SSC4D: variants seen among roughly 807,000 people sequenced by gnomAD.
SSC4D encodes the protein scavenger receptor cysteine-rich domain-containing group B protein.
SSC4D carries 57 observed loss-of-function variants against 63.4 expected under a neutral mutation model. That is an observed-to-expected ratio of 0.90 (90% CI 0.73 to 1.12). The LOEUF (loss-of-function observed/expected upper bound fraction) is 1.12. Ranked by LOEUF, SSC4D falls within the 50% of genes most tolerant of loss-of-function variation. The pLI, the probability that SSC4D is intolerant of heterozygous loss-of-function variation, is 0.00. For missense variants in SSC4D, 791 were observed against 806.4 expected, an observed-to-expected ratio of 0.98 and a Z score of 0.23; for synonymous variants, 352 against 345.4, an observed-to-expected ratio of 1.02 and a Z score of -0.21.
In SSC4D at chr7:76,395,474, G is replaced by T. The variant is rs531081895; in HGVS notation, c.869-144C>A. 13 of 745,680 alleles carry T rather than the reference G, an allele frequency of 1.7e-5. No individual in the cohort carries two copies. In the African/African-American group the frequency reaches 2.3e-4, roughly 13 times the overall value. 46.2% of individuals were successfully genotyped at this position (745,680 alleles called of 1,614,324 possible). A position where few individuals can be genotyped will look rare whatever the true frequency, so the allele number is the denominator to read the frequency against. On this transcript the variant is annotated intron_variant, in intron 6 of 10. Transcript: ENST00000275560. ...GGGCTGGTGGCCCAGCCGCAGCGGG[G>T]TTCCAAGGAGGCCTGTCCCCACTTT...
intron 9 of SSC4D, among the ~76,000 whole-genome samples, chr7:76,392,700 G>C (rs7809457): frequency 0.031 from 4,650 of 152,114 alleles, 138 homozygotes; most frequent in East Asian, 0.14. Context: ...GTTGAGCGGA[G>C]TAGGATAGCT....
rs773500648 is a variant in SSC4D, at chr7:76,400,564, C to T, written c.197G>A (p.Arg66His). Residue 66 changes from arginine (R) to histidine (H), a missense_variant, in exon 4 of 11, where the codon CGC becomes CAC. Transcript: ENST00000275560. ...CATGACTTCCAGGCGGCCCCGGCAG[C>T]GGCTGGGGCCCCCCACCAGCCTCAG... ...QELRLVGGPS[R>H]CRGRLEVMHG... 4.7e-6 allele frequency: 7 copies of T among 1,489,470 alleles called. No individual in the cohort carries two copies. Among genetic ancestry groups the T allele is most frequent in the East Asian group, 2.5e-5 (1 of 39,622 alleles). 92.3% of individuals were successfully genotyped at this position (1,489,470 alleles called of 1,614,324 possible). A position where few individuals can be genotyped will look rare whatever the true frequency, so the allele number is the denominator to read the frequency against.
chr7:76,390,116 C>A lies in SSC4D; in HGVS notation c.1671G>T (p.Trp557Cys), dbSNP rs755618430. ...CGCTGTGGTCACAGTTGTGGGCATC[C>A]CAGCGGATATGAGAGCAGAGCAGCA... The part of the protein sequence containing the change: ...SALLLCSHIR[W>C]DAHNCDHSED... Residue 557 changes from tryptophan (W) to cysteine (C), a missense_variant, in exon 11 of 11, where the codon TGG becomes TGT. By Grantham distance (215) the Trp-to-Cys change is radical. Transcript: ENST00000275560. 3.1e-6 allele frequency: 5 copies of A among 1,614,180 alleles called. No homozygotes were observed. Among genetic ancestry groups the A allele is most frequent in the Non-Finnish European group, 3.4e-6 (4 of 1,180,034 alleles).
intron 2 of SSC4D, among the ~76,000 whole-genome samples, chr7:76,401,880 G>A (rs760026088): frequency 3.3e-4 from 50 of 152,186 alleles, no homozygotes; most frequent in Non-Finnish European, 6.0e-4. Flanking sequence ...TCTCAACTCT[G>A]TGTCCCCAGA....
At chr7:76,404,269 A>G in intron 2 of SSC4D, 38 bp downstream of exon 2, 1 of 1,509,302 alleles carries the variant, frequency 6.6e-7, no homozygotes, top group Non-Finnish European at 8.8e-7. Context: ...TGAGATTCAG[A>G]AAGAGGAAGT....
chr7:76,401,029 G>T lies in SSC4D; in HGVS notation c.148C>A (p.Pro50Thr), dbSNP rs1450716344. 6.5e-7 allele frequency: 1 copy of T among 1,549,066 alleles called. No individual in the cohort carries two copies. The highest frequency in any genetic ancestry group is 1.4e-5 in the African/African-American group (1 of 72,960). The part of the protein sequence containing the change: ...LLLPLASALQ[P>T]TPLPFQELRL... Reference sequence around the variant, plus strand: ...CTACCTTGAAAGGGCAGTGGAGTGGGCTGTAGGGCGCTGGCTGAAACAGAG... The same window carrying T: ...CTACCTTGAAAGGGCAGTGGAGTGGTCTGTAGGGCGCTGGCTGAAACAGAG... Residue 50 changes from proline to threonine, a missense_variant, in exon 3 of 11, where the codon CCC (proline) becomes ACC (threonine). Physicochemically the swap from Pro to Thr is conservative, Grantham distance 38 (BLOSUM62 -1). Coordinates refer to ENST00000275560, the MANE Select transcript of SSC4D (RefSeq NM_080744.2).
rs1804539258 is a variant in SSC4D at position 76,393,314 on chromosome 7, C to A, written c.1333+91G>T. 8 of 1,245,982 alleles carry A rather than the reference C, an allele frequency of 6.4e-6. No homozygotes were observed. In the South Asian group the frequency reaches 1.6e-4, roughly 26 times the overall value. The allele number at this position is 1,245,982 out of a possible 1,614,324, so 77.2% of individuals were successfully genotyped here. On this transcript the variant is annotated intron_variant, in intron 9 of 10. Transcript: ENST00000275560. ...GCATGCTCCCCGGGCGGCAGTGCCGCAAGAGAGGCCTCGCGCGTGGCGCCG... is the reference window on the plus strand; with the variant it reads ...GCATGCTCCCCGGGCGGCAGTGCCGAAAGAGAGGCCTCGCGCGTGGCGCCG...
chr7:76,390,108 T>C lies in SSC4D; in HGVS notation c.1679A>G (p.His560Arg). The C allele has an allele frequency of 6.2e-7, 1 of 1,614,238 alleles. No homozygotes were observed. Among genetic ancestry groups the C allele is most frequent in the South Asian group, 1.1e-5 (1 of 91,088 alleles). The change falls in exon 11 of 11, where the codon CAC becomes CGC. Residue 560 changes from histidine to arginine, a missense_variant. By Grantham distance (29) the His-to-Arg change is conservative. Transcript: ENST00000275560. ...GGCATCCTCGCTGTGGTCACAGTTGTGGGCATCCCAGCGGATATGAGAGCA... is the reference window on the plus strand; with the variant it reads ...GGCATCCTCGCTGTGGTCACAGTTGCGGGCATCCCAGCGGATATGAGAGCA... ...LLCSHIRWDA[H>R]NCDHSEDASV...
In SSC4D at chr7:76,397,596, G is replaced by T. The variant is rs1455999543; in HGVS notation, c.790C>A (p.Arg264Ser). The change falls in exon 6 of 11, where the codon CGC (arginine) becomes AGC (serine). Residue 264 changes from arginine to serine, a missense_variant. Coordinates refer to ENST00000275560, the MANE Select transcript of SSC4D (RefSeq NM_080744.2). ...CCCAGGCTCTGGCAGGCTGCCAGGCGGGGCTCGCCGCCTTCGCAGTGCACG... is the reference window on the plus strand; with the variant it reads ...CCCAGGCTCTGGCAGGCTGCCAGGCTGGGCTCGCCGCCTTCGCAGTGCACG... ...DNVHCEGGEP[R>S]LAACQSLGWG... The T allele has an allele frequency of 6.2e-7, 1 of 1,607,492 alleles. No individual in the cohort carries two copies. Among genetic ancestry groups the T allele is most frequent in the Admixed American group, 1.7e-5 (1 of 58,808 alleles).
chr7:76,405,815 A>T (rs1383034476), intron 1 of SSC4D, among the ~76,000 whole-genome samples: 1 of 152,070 alleles, frequency 6.6e-6, no homozygotes, highest in Non-Finnish European at 1.5e-5. Context: ...GGCTCGGCCC[A>T]AACCATGACC....
intron 7 of SSC4D, among the ~76,000 whole-genome samples, chr7:76,394,557 C>T (rs1055396890): frequency 1.3e-5 from 2 of 151,068 alleles, no homozygotes; most frequent in African/African-American, 2.4e-5. Flanking sequence ...ATTACAGGCG[C>T]CCGGCTAATT....
At chr7:76,395,974 C>T (rs1031120746) in intron 6 of SSC4D, among the ~76,000 whole-genome samples, 6 of 152,216 alleles carry the variant, frequency 3.9e-5, no homozygotes, top group East Asian at 3.8e-4. Flanking sequence ...GGATTATAGG[C>T]GTGAGCCACC....
intron 2 of SSC4D, among the ~76,000 whole-genome samples, chr7:76,403,784 C>G (rs1273216077): frequency 1.3e-5 from 2 of 151,984 alleles, no homozygotes; most frequent in Non-Finnish European, 2.9e-5. Flanking sequence ...GCCTCAGCCT[C>G]CTGAGTAGCT....
rs371143941 is a variant in SSC4D at position 76,390,215 on chromosome 7, G to A, written c.1572C>T (p.Gly524=). ...CTCGGCCTGGGCCAAAGTGAGCCTC[G>A]CCAGGGGCTGCGAGGGCCTGGCCAC... ...LGCGQALAAP[G]EAHFGPGRGP... is the part of the protein sequence containing the mutation. The change falls in exon 11 of 11, where the codon GGC becomes GGT. Residue 524 remains glycine, a synonymous_variant. Coordinates refer to ENST00000275560, the MANE Select transcript of SSC4D (RefSeq NM_080744.2). 1.7e-5 allele frequency: 27 copies of A among 1,614,146 alleles called. No homozygotes were observed. The highest frequency in any genetic ancestry group is 1.6e-4 in the Middle Eastern group (1 of 6,062).
chr7:76,400,772 C>T (rs982306148), intron 3 of SSC4D, among the ~76,000 whole-genome samples, 181 bp from the exon 4 acceptor site: 4 of 152,164 alleles, frequency 2.6e-5, no homozygotes, highest in African/African-American at 7.2e-5. Context: ...CCTCCCAAAG[C>T]GCTAGGATCA....
chr7:76,393,641 C>T lies in SSC4D; in HGVS notation c.1097G>A (p.Gly366Asp), dbSNP rs1804555423. 3 of 1,484,192 alleles carry T rather than the reference C, an allele frequency of 2.0e-6. No homozygotes were observed. The highest frequency in any genetic ancestry group is 2.7e-6 in the Non-Finnish European group (3 of 1,123,130). 91.9% of individuals were successfully genotyped at this position (1,484,192 alleles called of 1,614,324 possible). Residue 366 changes from glycine (G) to aspartate (D), a missense_variant, in exon 9 of 11, where the codon GGC (glycine) becomes GAC (aspartate). Gly to Asp is a moderately conservative substitution (Grantham distance 94). Coordinates refer to ENST00000275560, the MANE Select transcript of SSC4D (RefSeq NM_080744.2). ...RVEVLHAGGWGTVCDDDWDFA... is the reference protein window; with the variant it reads ...RVEVLHAGGWDTVCDDDWDFA... ...GTCCCAGTCATCGTCGCACACGGTG[C>T]CCCAGCCCCCGGCGTGCAACACCTC...
intron 5 of SSC4D, among the ~76,000 whole-genome samples, chr7:76,398,170 C>T (rs1305619159): frequency 6.6e-6 from 1 of 152,152 alleles, no homozygotes; most frequent in Admixed American, 6.6e-5. Flanking sequence ...CCTCTTCCAC[C>T]TCTGGACTTC....
chr7:76,401,189 G>A, intron 2 of SSC4D, 146 bp from the exon 3 acceptor site: 3 of 1,208,700 alleles, frequency 2.5e-6, no homozygotes, highest in Non-Finnish European at 2.2e-6. Flanking sequence ...AAGCCCCATT[G>A]TCTCTTTCTC....
At chr7:76,392,888 C>T (rs962662141) in intron 9 of SSC4D, among the ~76,000 whole-genome samples, 9 of 152,118 alleles carry the variant, frequency 5.9e-5, no homozygotes, top group African/African-American at 2.2e-4. Flanking sequence ...GTAGGGCCTA[C>T]TAGCCCTGGG....
Sources: gnomAD v4.1 joint callset for allele counts (sites outside exome capture counted in the v4.1 genomes callset) on GRCh38, gnomAD v4.1.1 for gene constraint, MANE v1.5 for transcripts, NCBI Gene and HGNC (gene_info 2026-07-23, HGNC 2026-07-21) for gene names.